Variants in SLC1A1 observed in about 807,000 individuals in gnomAD.
SLC1A1 encodes excitatory amino acid transporter 3.
Under a neutral mutation model 53.3 loss-of-function variants are expected in SLC1A1, and 43 were observed. The observed-to-expected ratio is 0.81, with a 90% CI of 0.63 to 1.04. The LOEUF is 1.04. SLC1A1 is among the 50% of genes least tolerant of loss of function. The pLI, the probability that SLC1A1 is intolerant of heterozygous loss-of-function variation, is 0.00. For synonymous variants in SLC1A1, 307 were observed against 243.2 expected (o/e 1.26, Z -2.44); for missense variants, 748 against 664.9 (o/e 1.12, Z -1.37).
At chr9:4,518,378 T>C (rs1815940179) in intron 1 of SLC1A1, among the ~76,000 whole-genome samples, 1 of 151,774 alleles carries the variant, frequency 6.6e-6, no homozygotes, top group Non-Finnish European at 1.5e-5. Context: ...GTTTTTTTTT[T>C]GTTTTTGAGA....
chr9:4,575,843 C>T (rs958848563), intron 8 of SLC1A1, among the ~76,000 whole-genome samples, 158 bp from the exon 9 acceptor site: 2 of 152,172 alleles, frequency 1.3e-5, no homozygotes, highest in Non-Finnish European at 2.9e-5. Context: ...AACCCTCATA[C>T]ATGGAATGGG....
intron 1 of SLC1A1, among the ~76,000 whole-genome samples, chr9:4,523,965 T>C (rs1816174659): frequency 6.6e-6 from 1 of 152,226 alleles, no homozygotes; most frequent in South Asian, 2.1e-4. Context: ...TACTGATGAA[T>C]TCCTTTCTTC....
At chr9:4,515,064 C>A (rs1490603088) in intron 1 of SLC1A1, among the ~76,000 whole-genome samples, 5 of 151,958 alleles carry the variant, frequency 3.3e-5, no homozygotes, top group Non-Finnish European at 7.4e-5. Context: ...CCCCCACCCC[C>A]ACTATACTCC....
rs181358375 is a variant in SLC1A1 at position 4,516,011 on chromosome 9, G to C, written c.91+25241G>C. Among the ~76,000 whole-genome samples the C allele has an allele frequency of 4.6e-5, 7 of 152,310 alleles. No individual in the cohort carries two copies. The East Asian group carries it at 9.6e-4, about 21-fold the overall frequency. ...TTCAACCACTTCAAAATGTCCTTTT[G>C]AGTGTAAGCCACATCCAAATAATTA... On this transcript the variant is annotated intron_variant, in intron 1 of 11. Coordinates refer to ENST00000262352, the MANE Select transcript of SLC1A1 (RefSeq NM_004170.6).
chr9:4,556,859 C>T lies in SLC1A1; in HGVS notation c.233-4590C>T, dbSNP rs1452847240. ...ACTATATAACCAGATATACAGTTTG[C>T]GGTTTTAGAATTTCAGAGGGGTGGT... On this transcript the variant is annotated intron_variant, in intron 2 of 11. Coordinates refer to ENST00000262352, the MANE Select transcript of SLC1A1 (RefSeq NM_004170.6). The surrounding 1 kb of genome is among the most constrained non-coding windows in gnomAD (Gnocchi z 4.1). Among the ~76,000 whole-genome samples, 11 of 151,872 alleles carry T rather than the reference C, an allele frequency of 7.2e-5. No homozygotes were observed. Among genetic ancestry groups the T allele is most frequent in the East Asian group, 1.9e-4 (1 of 5,192 alleles).
chr9:4,513,224 C>T (rs559030504), intron 1 of SLC1A1, among the ~76,000 whole-genome samples: 145 of 152,246 alleles, frequency 9.5e-4, no homozygotes, highest in African/African-American at 3.4e-3. Flanking sequence ...ACAAATAAAT[C>T]TCTTTCTCTC....
At chr9:4,580,023 C>T (rs1349413374) in intron 10 of SLC1A1, among the ~76,000 whole-genome samples, 1 of 152,070 alleles carries the variant, frequency 6.6e-6, no homozygotes, top group African/African-American at 2.4e-5. Context: ...GAGTTCGAGA[C>T]AAGCCTGGGC....
At chr9:4,535,301 G>C (rs993960211) in intron 1 of SLC1A1, among the ~76,000 whole-genome samples, 1 of 152,158 alleles carries the variant, frequency 6.6e-6, no homozygotes, top group South Asian at 2.1e-4. Context: ...TGTGTATCTA[G>C]AAAACCCCAT....
At chr9:4,564,554 T>C in intron 4 of SLC1A1, 96 bp downstream of exon 4, 1 of 781,930 alleles carries the variant, frequency 1.3e-6, no homozygotes, top group Non-Finnish European at 2.2e-6. Context: ...GTATTGAAAT[T>C]TTTAATAACT....
intron 4 of SLC1A1, among the ~76,000 whole-genome samples, chr9:4,565,242 A>C (rs1819370633): frequency 6.6e-6 from 1 of 152,208 alleles, no homozygotes; most frequent in Non-Finnish European, 1.5e-5. Context: ...TTTTATGCTC[A>C]TATTTCACTG....
Position 4,490,619 on chromosome 9 carries a change from C to A in SLC1A1, c.-61C>A. On this transcript the variant is annotated 5_prime_UTR_variant, in exon 1 of 12. Transcript: ENST00000262352. ...GCCGCGCCGCCGAGCAGCCAGCAGT[C>A]CCCGGGTCGCCCAGCCCACGCGCGC... The A allele has an allele frequency of 2.2e-6, 3 of 1,394,654 alleles. No individual in the cohort carries two copies. Among genetic ancestry groups the A allele is most frequent in the South Asian group, 1.2e-5 (1 of 83,834 alleles). 86.4% of individuals were successfully genotyped at this position (1,394,654 alleles called of 1,614,324 possible).
chr9:4,551,626 G>A (rs542508174), intron 2 of SLC1A1, among the ~76,000 whole-genome samples: 7 of 152,294 alleles, frequency 4.6e-5, no homozygotes, highest in Admixed American at 2.0e-4. Context: ...AACATTGGTG[G>A]TCCATTATAC....
At position 4,583,882 on chromosome 9, in the gene SLC1A1, T is replaced by TCTCTCTCTCTCTCTCTCACACA. The variant is rs1423949414; in HGVS notation, c.1328+711_1328+712insTCTCTCTCTCTCTCTCACACAC. Among the ~76,000 whole-genome samples, 2 of 136,966 alleles carry TCTCTCTCTCTCTCTCTCACACA rather than the reference T, an allele frequency of 1.5e-5. No homozygotes were observed. The highest frequency in any genetic ancestry group is 5.7e-5 in the African/African-American group (2 of 35,264). 89.9% of individuals were successfully genotyped at this position (136,966 alleles called of 152,430 possible). On this transcript the variant is annotated intron_variant, in intron 11 of 11. Transcript: ENST00000262352. This position sits in a 1 kb window ranked among gnomAD's most constrained non-coding sequence, Gnocchi z 4.6. ...CTCTCTCTCTCTCTCTCTCTCTCTCTCACACACACACACACACACACACAC... is the reference window on the plus strand; with the variant it reads ...CTCTCTCTCTCTCTCTCTCTCTCTCTCTCTCTCTCTCTCTCTCACACACACACACACACACACACACACACAC...
In SLC1A1 at chr9:4,583,763, C is replaced by T. The variant is rs1183346397; in HGVS notation, c.1328+591C>T. Among the ~76,000 whole-genome samples, 2 of 151,948 alleles carry T rather than the reference C, an allele frequency of 1.3e-5. No homozygotes were observed. The highest frequency in any genetic ancestry group is 2.9e-5 in the Non-Finnish European group (2 of 68,008). On this transcript the variant is annotated intron_variant, in intron 11 of 11. Coordinates refer to ENST00000262352, the MANE Select transcript of SLC1A1 (RefSeq NM_004170.6). The surrounding 1 kb of genome is among the most constrained non-coding windows in gnomAD (Gnocchi z 4.6). Reference sequence around the variant, plus strand: ...CATGTGAGTGGAGCATCTAGAACAGCGTTTGGCAGCCCATACATGCTCAAT... The same window carrying T: ...CATGTGAGTGGAGCATCTAGAACAGTGTTTGGCAGCCCATACATGCTCAAT...
intron 1 of SLC1A1, among the ~76,000 whole-genome samples, chr9:4,517,142 C>T (rs561431464): frequency 1.3e-5 from 2 of 152,182 alleles, no homozygotes; most frequent in Admixed American, 6.5e-5. Context: ...GCACCTGACA[C>T]GTTAATTTCT....
intron 6 of SLC1A1, 52 bp downstream of exon 6, chr9:4,567,819 T>C (rs1819632330): frequency 9.2e-7 from 1 of 1,084,506 alleles, no homozygotes; most frequent in African/African-American, 1.5e-5. Flanking sequence ...CACTGAGTCA[T>C]GACTGAGCAG....
At chr9:4,540,770 A>C (rs1447275328) in intron 1 of SLC1A1, among the ~76,000 whole-genome samples, 1 of 152,236 alleles carries the variant, frequency 6.6e-6, no homozygotes, top group Non-Finnish European at 1.5e-5. Context: ...GGTGTCAGGG[A>C]AATTTCCTGC....
chr9:4,498,147 T>C (rs1389023410), intron 1 of SLC1A1, among the ~76,000 whole-genome samples: 2 of 152,212 alleles, frequency 1.3e-5, no homozygotes, highest in Non-Finnish European at 2.9e-5. Context: ...AGTTCATTGC[T>C]GGGAGCCAGA....
In SLC1A1 at chr9:4,490,555, G is replaced by A. The variant is rs1275315054; in HGVS notation, c.-125G>A. The A allele has an allele frequency of 6.8e-6, 4 of 586,410 alleles. No homozygotes were observed. The highest frequency in any genetic ancestry group is 5.9e-5 in the South Asian group (2 of 33,634). 36.3% of individuals were successfully genotyped at this position (586,410 alleles called of 1,614,324 possible). ...GGCGGTGGTGACGGCGGCGACTGCAGCGGCCGGCTCTCACCTCTCCCCTGT... is the reference window on the plus strand; with the variant it reads ...GGCGGTGGTGACGGCGGCGACTGCAACGGCCGGCTCTCACCTCTCCCCTGT... On this transcript the variant is annotated 5_prime_UTR_variant, in exon 1 of 12. Coordinates refer to ENST00000262352, the MANE Select transcript of SLC1A1 (RefSeq NM_004170.6).
Sources: gnomAD v4.1 joint callset for allele counts (sites outside exome capture counted in the v4.1 genomes callset) on GRCh38, gnomAD v4.1.1 for gene constraint, Gnocchi (gnomAD v3.1) non-coding constraint, MANE v1.5 for transcripts, NCBI Gene and HGNC (gene_info 2026-07-23, HGNC 2026-07-21) for gene names.